The following PTPRG variants were observed in gnomAD, a reference collection of about 807,000 sequenced individuals.
The protein encoded by PTPRG is receptor-type tyrosine-protein phosphatase gamma.
In PTPRG, 102 loss-of-function variants were observed where a neutral mutation model predicts 165.3. The ratio of observed to expected loss-of-function variants is 0.62; its 90% CI spans 0.53 to 0.73. PTPRG has a LOEUF of 0.73. Ranked by LOEUF, PTPRG falls within the 30% of genes least tolerant of loss-of-function variation. The pLI, the probability that PTPRG is intolerant of heterozygous loss-of-function variation, is 0.00. For synonymous variants in PTPRG, 675 were observed against 669.5 expected (o/e 1.01, Z -0.13); for missense variants, 1,866 against 1,861.4 (o/e 1.00, Z -0.05).
intron 2 of PTPRG, among the ~76,000 whole-genome samples, chr3:61,763,433 C>G (rs1026852005): frequency 3.3e-5 from 5 of 151,900 alleles, no homozygotes; most frequent in Non-Finnish European, 5.9e-5. Flanking sequence ...AGACGGGTTT[C>G]ACTGTCTGCC....
At chr3:61,715,894 G>C (rs2031781864) in intron 1 of PTPRG, among the ~76,000 whole-genome samples, 1 of 150,672 alleles carries the variant, frequency 6.6e-6, no homozygotes, top group Admixed American at 6.6e-5. Flanking sequence ...TACCATCCAA[G>C]AAGTGAGTGC....
intron 8 of PTPRG, among the ~76,000 whole-genome samples, chr3:62,189,039 G>T (rs372231318): frequency 6.6e-6 from 1 of 152,050 alleles, no homozygotes; most frequent in Non-Finnish European, 1.5e-5. Flanking sequence ...TAGTGCCCAC[G>T]TTCTGTCACT....
At chr3:61,995,093 T>C (rs1330287574) in intron 3 of PTPRG, among the ~76,000 whole-genome samples, 5 of 143,120 alleles carry the variant, frequency 3.5e-5, no homozygotes, top group Non-Finnish European at 6.1e-5. Context: ...TCTTTTTTTT[T>C]TTTTTTTTTT....
chr3:62,174,763 ACTTAT>A (rs1319174601), intron 8 of PTPRG, among the ~76,000 whole-genome samples: 4 of 152,226 alleles, frequency 2.6e-5, no homozygotes, highest in African/African-American at 7.2e-5. Context: ...AGCTTGAATT[ACTTAT>A]CTTATTAAAA....
At chr3:61,995,739 CCTTCCT>C (rs2041023854) in intron 3 of PTPRG, among the ~76,000 whole-genome samples, 4 of 144,534 alleles carry the variant, frequency 2.8e-5, no homozygotes, top group African/African-American at 1.0e-4. Context: ...TTCCTTCCTT[CCTTCCT>C]TCCCTCCCTC....
At chr3:62,085,680 T>C (rs17065948) in intron 5 of PTPRG, among the ~76,000 whole-genome samples, 4,660 of 152,320 alleles carry the variant, frequency 0.031, 180 homozygotes, top group East Asian at 0.19. Context: ...TGCTATTCTT[T>C]ACATGTCTAT....
At chr3:61,628,966 A>G (rs1169904779) in intron 1 of PTPRG, among the ~76,000 whole-genome samples, 1 of 152,200 alleles carries the variant, frequency 6.6e-6, no homozygotes, top group East Asian at 1.9e-4. Context: ...ATGTTCTCCA[A>G]GACGGTAGGT....
At chr3:62,085,666 C>A (rs1483256520) in intron 5 of PTPRG, among the ~76,000 whole-genome samples, 4 of 152,250 alleles carry the variant, frequency 2.6e-5, no homozygotes, top group African/African-American at 9.6e-5. Flanking sequence ...CTTTTTCTTG[C>A]TCTTGCTATT....
At chr3:61,923,070 G>C (rs937323198) in intron 2 of PTPRG, among the ~76,000 whole-genome samples, 1 of 152,156 alleles carries the variant, frequency 6.6e-6, no homozygotes, top group East Asian at 1.9e-4. Flanking sequence ...CTCTCCAATA[G>C]AATTTAACTC....
chr3:61,871,860 T>A (rs1374126737), intron 2 of PTPRG, among the ~76,000 whole-genome samples: 1 of 152,132 alleles, frequency 6.6e-6, no homozygotes, highest in Non-Finnish European at 1.5e-5. Context: ...TCTTTCTTAG[T>A]GTTTCTCAGC....
chr3:62,153,364 T>C (rs373175565), intron 6 of PTPRG, among the ~76,000 whole-genome samples: 6 of 152,258 alleles, frequency 3.9e-5, no homozygotes, highest in African/African-American at 1.4e-4. Flanking sequence ...ATTCTCATTA[T>C]TCTCATTTTA....
At chr3:61,894,827 T>A (rs1201031419) in intron 2 of PTPRG, among the ~76,000 whole-genome samples, 1 of 152,134 alleles carries the variant, frequency 6.6e-6, no homozygotes, top group East Asian at 1.9e-4. Flanking sequence ...CTCTAAGTTA[T>A]TAATCTTGCT....
chr3:61,920,538 G>A (rs1421548912), intron 2 of PTPRG, among the ~76,000 whole-genome samples: 3 of 152,178 alleles, frequency 2.0e-5, no homozygotes, highest in Non-Finnish European at 2.9e-5. Context: ...TGGGACCATA[G>A]GCTTGCACCA....
chr3:61,752,614 C>T (rs2033475483), intron 2 of PTPRG, among the ~76,000 whole-genome samples: 1 of 151,650 alleles, frequency 6.6e-6, no homozygotes, highest in Admixed American at 6.6e-5. Flanking sequence ...GGTGAAACCC[C>T]ATTTCTACTA....
At chr3:61,778,562 C>G (rs1050188271) in intron 2 of PTPRG, among the ~76,000 whole-genome samples, 1 of 152,074 alleles carries the variant, frequency 6.6e-6, no homozygotes, top group African/African-American at 2.4e-5. Flanking sequence ...TCTAGGAAGT[C>G]AGTGTGAATC....
intron 8 of PTPRG, among the ~76,000 whole-genome samples, chr3:62,188,359 A>G (rs576081415): frequency 4.4e-4 from 67 of 152,302 alleles, no homozygotes; most frequent in Admixed American, 4.3e-3. Context: ...TGGGTGACAG[A>G]GTGAGACACC....
At chr3:61,930,594 GAA>G (rs2039333974) in intron 2 of PTPRG, among the ~76,000 whole-genome samples, 2 of 152,214 alleles carry the variant, frequency 1.3e-5, no homozygotes, top group African/African-American at 4.8e-5. Flanking sequence ...GAAAATACAG[GAA>G]AAGAGTGTGA....
intron 3 of PTPRG, 56 bp downstream of exon 3, chr3:61,989,860 C>T (rs1259706199): frequency 1.3e-6 from 2 of 1,580,486 alleles, no homozygotes; most frequent in Non-Finnish European, 1.7e-6. Context: ...TTTTGGATGT[C>T]TCTGGTGTTT....
intron 4 of PTPRG, among the ~76,000 whole-genome samples, chr3:62,005,593 A>C (rs2041277454): frequency 6.6e-6 from 1 of 151,576 alleles, no homozygotes; most frequent in Non-Finnish European, 1.5e-5. Context: ...GGAACTGGGA[A>C]CCTTGCCTCT....
Sources: gnomAD v4.1 joint callset for allele counts (sites outside exome capture counted in the v4.1 genomes callset) on GRCh38, gnomAD v4.1.1 for gene constraint, MANE v1.5 for transcripts, NCBI Gene and HGNC (gene_info 2026-07-23, HGNC 2026-07-21) for gene names.